NR1D2: variants seen among roughly 807,000 people sequenced by gnomAD.
The protein encoded by NR1D2 is nuclear receptor subfamily 1 group D member 2.
Under a neutral mutation model 52.2 loss-of-function variants are expected in NR1D2, and 25 were observed. The observed-to-expected ratio is 0.48, with a 90% CI of 0.35 to 0.67. The LOEUF is 0.67. Ranked by LOEUF, NR1D2 falls within the 30% of genes least tolerant of loss-of-function variation. The probability of loss-of-function intolerance (pLI) is 0.01; values close to 1 mark genes in which losing one functional copy is unlikely to be tolerated. For synonymous variants in NR1D2, 259 were observed against 230.1 expected (o/e 1.13, Z -1.14); for missense variants, 681 against 707.2 (o/e 0.96, Z 0.42).
chr3:23,976,047 C>T (rs1276766459), intron 7 of NR1D2, among the ~76,000 whole-genome samples: 1 of 152,198 alleles, frequency 6.6e-6, no homozygotes. Context: ...TATACTCCTG[C>T]CTCCTGTTGT....
At position 23,962,090 on chromosome 3, in the gene NR1D2, A is replaced by G; in HGVS notation, c.631A>G (p.Thr211Ala). The change falls in exon 5 of 8, where the codon ACA (threonine) becomes GCA (alanine). Residue 211 changes from threonine to alanine, a missense_variant. By Grantham distance (58) the Thr-to-Ala change is moderately conservative (BLOSUM62 0). Around this residue, in one of 3 missense-constraint regions of NR1D2, gnomAD observed 475 missense variants for 454.5 expected, o/e 1.05. Coordinates refer to ENST00000312521, the MANE Select transcript of NR1D2 (RefSeq NM_005126.5). ...GTTCAGTGGTCACTTGCAAAATGAC[A>G]CATTAGTAGAACATCATGAACAGAC... is the stretch of plus-strand genomic sequence containing the variant. ...SQFSGHLQND[T>A]LVEHHEQTAL... is the part of the protein sequence containing the mutation. 1 of 1,614,212 alleles carries G rather than the reference A, an allele frequency of 6.2e-7. No individual in the cohort carries two copies. Among genetic ancestry groups the G allele is most frequent in the Admixed American group, 1.7e-5 (1 of 60,026 alleles).
At chr3:23,946,445 C>A in intron 1 of NR1D2, 1 of 285,160 alleles carries the variant, frequency 3.5e-6, no homozygotes, top group Non-Finnish European at 5.3e-6. Flanking sequence ...GTGCTTCGAT[C>A]CCGAGCGACT....
At chr3:23,948,662 G>C (rs960433867) in intron 1 of NR1D2, among the ~76,000 whole-genome samples, 22 of 152,172 alleles carry the variant, frequency 1.4e-4, no homozygotes, top group Admixed American at 3.9e-4. Flanking sequence ...GGAAGGTGCC[G>C]TTGCCACCAT....
intron 4 of NR1D2, among the ~76,000 whole-genome samples, chr3:23,960,551 C>T (rs889481086): frequency 7.9e-5 from 12 of 152,114 alleles, no homozygotes; most frequent in African/African-American, 2.7e-4. Flanking sequence ...AGGCTGGTCT[C>T]GAACTCCTGA....
chr3:23,960,580 C>T (rs996809789), intron 4 of NR1D2, among the ~76,000 whole-genome samples: 6 of 152,158 alleles, frequency 3.9e-5, no homozygotes, highest in Non-Finnish European at 7.4e-5. Flanking sequence ...GATCCACCTG[C>T]CTCGGCCTCC....
intron 7 of NR1D2, among the ~76,000 whole-genome samples, chr3:23,969,474 A>AG (rs1229020035): frequency 6.6e-6 from 1 of 152,224 alleles, no homozygotes; most frequent in Non-Finnish European, 1.5e-5. Context: ...TATGTCAATA[A>AG]GGGATATCTG....
chr3:23,947,951 C>T (rs929203079), intron 1 of NR1D2, among the ~76,000 whole-genome samples: 2 of 152,086 alleles, frequency 1.3e-5, no homozygotes, highest in Admixed American at 6.6e-5. Context: ...AACCCCGTCT[C>T]TACTAAAAGG....
At position 23,962,675 on chromosome 3, in the gene NR1D2, GAT is replaced by G. The variant is rs1166562905; in HGVS notation, c.1146+73_1146+74del. On this transcript the variant is annotated intron_variant, in intron 5 of 7. Transcript: ENST00000312521. ...TTTGAAAATTTTCTTTTATTCGGGA[GAT>G]ATGCTAACTTGGGGGGATGGTGTCA... 2.1e-6 allele frequency: 3 copies of G among 1,447,552 alleles called. No homozygotes were observed. In the Admixed American group the frequency reaches 6.6e-5, roughly 32 times the overall value. 89.7% of individuals were successfully genotyped at this position (1,447,552 alleles called of 1,614,324 possible). A position where few individuals can be genotyped will look rare whatever the true frequency, so the allele number is the denominator to read the frequency against.
intron 6 of NR1D2, among the ~76,000 whole-genome samples, chr3:23,966,564 TG>T (rs1453983876): frequency 2.0e-5 from 3 of 152,262 alleles, no homozygotes; most frequent in Non-Finnish European, 4.4e-5. Context: ...TTAATGCCTT[TG>T]GCCAGGGCCC....
rs1178614289 is a variant in NR1D2 at position 23,977,511 on chromosome 3, AAAG to A, written c.*94_*96del. On this transcript the variant is annotated 3_prime_UTR_variant, in exon 8 of 8. Transcript: ENST00000312521. ...TGTGTATACCATATGTGGAGATAGA[AAAG>A]ACCTTTAAGACAATAAAAGATTGTA... 7 of 773,008 alleles carry A rather than the reference AAAG, an allele frequency of 9.1e-6. No homozygotes were observed. Among genetic ancestry groups the A allele is most frequent in the Middle Eastern group, 3.9e-4 (1 of 2,548 alleles). 47.9% of individuals were successfully genotyped at this position (773,008 alleles called of 1,614,324 possible). A position where few individuals can be genotyped will look rare whatever the true frequency, so the allele number is the denominator to read the frequency against.
In NR1D2 at chr3:23,954,763, G is replaced by T. The variant is rs1427069109; in HGVS notation, c.243G>T (p.Ser81=). Residue 81 remains serine, a synonymous_variant, in exon 2 of 8, where the codon TCG becomes TCT. Coordinates refer to ENST00000312521, the MANE Select transcript of NR1D2 (RefSeq NM_005126.5). ...RIDCSMKTSK[S]SAPGMTKSHS... ...ATTGTTCTATGAAAACAAGCAAATC[G>T]AGTGCACCTGGGATGACAAAAAGTC... is the stretch of plus-strand genomic sequence containing the variant. 2.5e-6 allele frequency: 4 copies of T among 1,614,134 alleles called. No homozygotes were observed. Among genetic ancestry groups the T allele is most frequent in the Non-Finnish European group, 3.4e-6 (4 of 1,180,008 alleles).
At chr3:23,971,838 T>C (rs1706598221) in intron 7 of NR1D2, among the ~76,000 whole-genome samples, 2 of 152,218 alleles carry the variant, frequency 1.3e-5, no homozygotes, top group African/African-American at 4.8e-5. Flanking sequence ...TCTTGTTCTA[T>C]CACTGTTTGT....
intron 6 of NR1D2, among the ~76,000 whole-genome samples, chr3:23,967,028 A>C (rs1246837039): frequency 6.6e-6 from 1 of 151,980 alleles, no homozygotes; most frequent in Non-Finnish European, 1.5e-5. Context: ...TGTCTCAATA[A>C]ATAAATAAAT....
intron 7 of NR1D2, among the ~76,000 whole-genome samples, chr3:23,972,298 A>G (rs150091289): frequency 1.3e-5 from 2 of 152,352 alleles, no homozygotes; most frequent in Non-Finnish European, 2.9e-5. Flanking sequence ...ATTACTGGCT[A>G]AGCAAGTATT....
intron 1 of NR1D2, among the ~76,000 whole-genome samples, chr3:23,948,483 C>T (rs893334727): frequency 6.6e-6 from 1 of 152,150 alleles, no homozygotes; most frequent in Admixed American, 6.5e-5. Context: ...CCACTGGATC[C>T]TTAACACACA....
chr3:23,945,963 G>T (rs929037933), intron 1 of NR1D2, among the ~76,000 whole-genome samples: 4 of 151,460 alleles, frequency 2.6e-5, no homozygotes, highest in Non-Finnish European at 4.4e-5. Flanking sequence ...CGGCGGGCGG[G>T]GACACGTGAG....
At chr3:23,974,088 CTTTTTTTTT>C (rs60587118) in intron 7 of NR1D2, among the ~76,000 whole-genome samples, 18 of 79,504 alleles carry the variant, frequency 2.3e-4, no homozygotes, top group South Asian at 1.8e-3. Flanking sequence ...TTACAGTTAC[CTTTTTTTTT>C]TTTTTTTTTT....
Position 23,960,071 on chromosome 3 carries a change from T to G in NR1D2, c.517+256T>G, listed in dbSNP as rs1575152201. On this transcript the variant is annotated intron_variant, in intron 4 of 7. Coordinates refer to ENST00000312521, the MANE Select transcript of NR1D2 (RefSeq NM_005126.5). ...AAGAGCCATTTTTTTTCTGTGCAAT[T>G]TGATTACTTTTTATTTTTTCCTAAA... The G allele has an allele frequency of 5.2e-5, 15 of 290,422 alleles. No homozygotes were observed. The East Asian group carries it at 9.9e-4, about 19-fold the overall frequency. The allele number at this position is 290,422 out of a possible 1,614,324, so 18.0% of individuals were successfully genotyped here. A position where few individuals can be genotyped will look rare whatever the true frequency, so the allele number is the denominator to read the frequency against.
At chr3:23,948,655 A>G (rs1705843752) in intron 1 of NR1D2, among the ~76,000 whole-genome samples, 1 of 152,222 alleles carries the variant, frequency 6.6e-6, no homozygotes, top group Non-Finnish European at 1.5e-5. Flanking sequence ...CCATGAAGGA[A>G]GGTGCCGTTG....
Sources: gnomAD v4.1 joint callset for allele counts (sites outside exome capture counted in the v4.1 genomes callset) on GRCh38, gnomAD v4.1.1 for gene constraint, gnomAD v4.1.1 regional missense constraint, MANE v1.5 for transcripts, NCBI Gene and HGNC (gene_info 2026-07-23, HGNC 2026-07-21) for gene names.